RAPGEF6: variants seen among roughly 807,000 people sequenced by gnomAD.
RAPGEF6 encodes Rap guanine nucleotide exchange factor 6.
Under a neutral mutation model 171.4 loss-of-function variants are expected in RAPGEF6, and 56 were observed. The observed-to-expected ratio is 0.33, with a 90% CI of 0.26 to 0.41. RAPGEF6 has a LOEUF of 0.41. RAPGEF6 is among the 10% of genes least tolerant of loss of function. The pLI is 1.00. For missense variants in RAPGEF6, 1,674 were observed against 1,921.4 expected, an observed-to-expected ratio of 0.87 and a Z score of 2.41; for synonymous variants, 692 against 650.1, an observed-to-expected ratio of 1.06 and a Z score of -0.98.
At chr5:131,582,345 A>G (rs1763015496) in intron 4 of RAPGEF6, among the ~76,000 whole-genome samples, 1 of 152,246 alleles carries the variant, frequency 6.6e-6, no homozygotes, top group African/African-American at 2.4e-5. Flanking sequence ...AGAAGAGAAA[A>G]AATATTTTCA....
At chr5:131,540,424 A>C (rs1258953718) in intron 6 of RAPGEF6, among the ~76,000 whole-genome samples, 1 of 152,132 alleles carries the variant, frequency 6.6e-6, no homozygotes, top group Non-Finnish European at 1.5e-5. Flanking sequence ...TACTTAGTCA[A>C]GTGTGGTGGC....
intron 10 of RAPGEF6, 90 bp from the exon 11 acceptor site, chr5:131,504,868 C>G: frequency 1.7e-6 from 2 of 1,206,112 alleles, no homozygotes; most frequent in South Asian, 1.9e-5. Flanking sequence ...GGTAAGAAAT[C>G]TAGCGGCATT....
chr5:131,563,832 C>T (rs1390590852), intron 4 of RAPGEF6, among the ~76,000 whole-genome samples: 14 of 152,070 alleles, frequency 9.2e-5, no homozygotes, highest in South Asian at 2.1e-4. Flanking sequence ...AGCAGAAGAT[C>T]CTTATCTTTT....
At chr5:131,511,625 T>A (rs1196532908) in intron 7 of RAPGEF6, among the ~76,000 whole-genome samples, 1 of 151,920 alleles carries the variant, frequency 6.6e-6, no homozygotes, top group East Asian at 1.9e-4. Flanking sequence ...ACGCCCTGAA[T>A]ACCTGGGAAC....
intron 17 of RAPGEF6, among the ~76,000 whole-genome samples, chr5:131,470,714 T>C (rs1011730201): frequency 2.6e-5 from 4 of 152,088 alleles, no homozygotes; most frequent in African/African-American, 9.7e-5. Flanking sequence ...TCCTGCCACA[T>C]AGCAAACAAT....
In RAPGEF6 at chr5:131,443,971, T is replaced by C. The variant is rs560159147; in HGVS notation, c.3422-1434A>G. 1.7e-4 allele frequency among the ~76,000 whole-genome samples: 26 copies of C among 152,310 alleles called. No individual in the cohort carries two copies. The South Asian group carries it at 5.2e-3, about 30-fold the overall frequency. Reference sequence around the variant, plus strand: ...ATAAAAAACTGAGAACCCTTACTTATAAAAGCTGCCTCCTTCATATAAAAC... The same window carrying C: ...ATAAAAAACTGAGAACCCTTACTTACAAAAGCTGCCTCCTTCATATAAAAC... On this transcript the variant is annotated intron_variant, in intron 22 of 27. Transcript: ENST00000509018.
rs1751396807 is a variant in RAPGEF6 at position 131,426,465 on chromosome 5, C to G, written c.*801G>C. The G allele has an allele frequency of 6.6e-6, 1 of 152,310 alleles. No individual in the cohort carries two copies. The highest frequency in any genetic ancestry group is 2.1e-4 in the South Asian group (1 of 4,826). The allele number at this position is 152,310 out of a possible 1,614,324, so 9.4% of individuals were successfully genotyped here. ...CTTAAGGAAGAATTTGTATACATGT[C>G]ATTTAACATCAAAATTTCATTCTGT... On this transcript the variant is annotated 3_prime_UTR_variant, in exon 28 of 28. Coordinates refer to ENST00000509018, the MANE Select transcript of RAPGEF6 (RefSeq NM_016340.6).
chr5:131,629,816 TG>T (rs1714700421), intron 1 of RAPGEF6, among the ~76,000 whole-genome samples: 1 of 147,944 alleles, frequency 6.8e-6, no homozygotes, highest in African/African-American at 2.5e-5. Context: ...AGCCTGAAGG[TG>T]TGACTAAATT....
intron 6 of RAPGEF6, among the ~76,000 whole-genome samples, chr5:131,546,737 A>T (rs1186124729): frequency 3.3e-5 from 5 of 152,246 alleles, no homozygotes; most frequent in Admixed American, 1.3e-4. Context: ...AAAAACATTT[A>T]ACAACATTCA....
At chr5:131,557,357 G>T (rs1033806672) in intron 5 of RAPGEF6, among the ~76,000 whole-genome samples, 1 of 152,052 alleles carries the variant, frequency 6.6e-6, no homozygotes, top group Non-Finnish European at 1.5e-5. Context: ...TAAATGGTAC[G>T]TTTATAAAAT....
intron 3 of RAPGEF6, among the ~76,000 whole-genome samples, chr5:131,602,855 A>G (rs1307914169): frequency 6.6e-6 from 1 of 152,230 alleles, no homozygotes; most frequent in East Asian, 1.9e-4. Flanking sequence ...GCACACAATT[A>G]TATATTGTAC....
At chr5:131,620,554 CTGAAA>C (rs1765536737) in intron 1 of RAPGEF6, among the ~76,000 whole-genome samples, 1 of 152,062 alleles carries the variant, frequency 6.6e-6, no homozygotes, top group African/African-American at 2.4e-5. Flanking sequence ...CAGTGAATAA[CTGAAA>C]TAACTGGATT....
At chr5:131,508,941 CAT>C (rs979644457) in intron 8 of RAPGEF6, among the ~76,000 whole-genome samples, 109 of 152,266 alleles carry the variant, frequency 7.2e-4, no homozygotes, top group African/African-American at 2.4e-3. Flanking sequence ...ACGTTCATAA[CAT>C]AAATCCACAC....
intron 16 of RAPGEF6, among the ~76,000 whole-genome samples, chr5:131,474,327 C>T (rs969508826): frequency 2.6e-5 from 4 of 151,926 alleles, no homozygotes; most frequent in Non-Finnish European, 5.9e-5. Flanking sequence ...AGCCAGAAGT[C>T]GGGTGGCTCG....
chr5:131,623,480 T>A (rs1166211725), intron 1 of RAPGEF6, among the ~76,000 whole-genome samples: 1 of 147,366 alleles, frequency 6.8e-6, no homozygotes, highest in African/African-American at 2.5e-5. Flanking sequence ...CACATTGCTT[T>A]TTTTTTTTTT....
chr5:131,516,067 T>TCC (rs1758057175), intron 7 of RAPGEF6, among the ~76,000 whole-genome samples: 1 of 3,296 alleles, frequency 3.0e-4, no homozygotes, highest in African/African-American at 1.0e-3. Context: ...TTTTTTTTTT[T>TCC]TTTTTTTTTT....
intron 7 of RAPGEF6, 39 bp from the exon 8 acceptor site, chr5:131,510,530 A>G: frequency 6.3e-7 from 1 of 1,579,480 alleles, no homozygotes; most frequent in Non-Finnish European, 8.6e-7. Context: ...ATTTCATGTA[A>G]AAAATATTAT....
At chr5:131,440,444 CAT>C (rs1561465985) in intron 23 of RAPGEF6, among the ~76,000 whole-genome samples, 1 of 151,974 alleles carries the variant, frequency 6.6e-6, no homozygotes, top group Non-Finnish European at 1.5e-5. Flanking sequence ...GTTCTTAAAA[CAT>C]AAAGTAAGTG....
In RAPGEF6 at chr5:131,593,995, A is replaced by ATTT. The variant is rs1328953626; in HGVS notation, c.198-1530_198-1529insAAA. Among the ~76,000 whole-genome samples the ATTT allele has an allele frequency of 5.4e-3, 820 of 152,328 alleles. 13 individuals carry two copies. Among genetic ancestry groups the ATTT allele is most frequent in the African/African-American group, 0.019 (794 of 41,570 alleles). On this transcript the variant is annotated intron_variant, in intron 3 of 27. Coordinates refer to ENST00000509018, the MANE Select transcript of RAPGEF6 (RefSeq NM_016340.6). ...AAGCCCGCTGCAGAAATGTGCACAA[A>ATTT]AGGAGCCAAATGTTAATAGCCAACA... is the stretch of plus-strand genomic sequence containing the variant.
Sources: gnomAD v4.1 joint callset for allele counts (sites outside exome capture counted in the v4.1 genomes callset) on GRCh38, gnomAD v4.1.1 for gene constraint, MANE v1.5 for transcripts, NCBI Gene and HGNC (gene_info 2026-07-23, HGNC 2026-07-21) for gene names.